Variants in ANKRD6 observed in about 807,000 individuals in gnomAD.
ANKRD6 encodes the protein ankyrin repeat domain-containing protein 6.
Under a neutral mutation model 82.3 loss-of-function variants are expected in ANKRD6, and 56 were observed. The observed-to-expected ratio is 0.68, with a 90% confidence interval of 0.55 to 0.85. The LOEUF (loss-of-function observed/expected upper bound fraction) is 0.85, where lower values mean the gene tolerates loss of function less well. Among genes scored for constraint, ANKRD6 ranks in the 40% least tolerant of loss-of-function variants. The probability of loss-of-function intolerance (pLI) is 0.00; values close to 1 mark genes in which losing one functional copy is unlikely to be tolerated. For missense variants in ANKRD6, 852 were observed against 907.6 expected (o/e 0.94, Z 0.79); for synonymous variants, 347 against 352.1 (o/e 0.99, Z 0.16).
At chr6:89,550,005 A>G (rs549355157) in intron 1 of ANKRD6, among the ~76,000 whole-genome samples, 1 of 152,256 alleles carries the variant, frequency 6.6e-6, no homozygotes, top group African/African-American at 2.4e-5. Flanking sequence ...CTGAGGCAGG[A>G]GGATCACCTG....
chr6:89,434,811 A>G (rs1770420647), intron 1 of ANKRD6, among the ~76,000 whole-genome samples: 1 of 152,148 alleles, frequency 6.6e-6, no homozygotes, highest in African/African-American at 2.4e-5. Context: ...GCATATGGTA[A>G]CAAAAAATTT....
At chr6:89,525,917 A>T (rs1016196550) in intron 1 of ANKRD6, among the ~76,000 whole-genome samples, 1 of 152,228 alleles carries the variant, frequency 6.6e-6, no homozygotes, top group Non-Finnish European at 1.5e-5. Flanking sequence ...TTCTCTGTCC[A>T]ATTGGAGTTG....
intron 10 of ANKRD6, among the ~76,000 whole-genome samples, chr6:89,622,528 C>T (rs753895671): frequency 8.5e-5 from 13 of 152,224 alleles, no homozygotes; most frequent in Non-Finnish European, 1.9e-4. Context: ...TTGAGAGCCA[C>T]TGGCACAGGC....
chr6:89,458,196 C>T (rs553229460), intron 1 of ANKRD6, among the ~76,000 whole-genome samples: 11 of 151,964 alleles, frequency 7.2e-5, no homozygotes, highest in South Asian at 2.1e-4. Flanking sequence ...TACTAAGACA[C>T]GAATCATTTT....
intron 1 of ANKRD6, among the ~76,000 whole-genome samples, chr6:89,533,720 GAA>G (rs1783470839): frequency 2.1e-5 from 3 of 139,868 alleles, no homozygotes; most frequent in African/African-American, 8.0e-5. Context: ...GAGAGAGAGA[GAA>G]AATGAGTGTG....
intron 1 of ANKRD6, among the ~76,000 whole-genome samples, chr6:89,483,812 A>G (rs1777060596): frequency 6.6e-6 from 1 of 152,238 alleles, no homozygotes; most frequent in African/African-American, 2.4e-5. Context: ...GATTAGCTAC[A>G]AGGTTCAAAG....
chr6:89,597,902 C>T (rs1209755272), intron 3 of ANKRD6, among the ~76,000 whole-genome samples: 1 of 152,126 alleles, frequency 6.6e-6, no homozygotes, highest in East Asian at 1.9e-4. Flanking sequence ...TGTGTATTTA[C>T]CATGCTGTTG....
chr6:89,515,569 A>G (rs1353429114), intron 1 of ANKRD6, among the ~76,000 whole-genome samples: 2 of 152,230 alleles, frequency 1.3e-5, no homozygotes, highest in East Asian at 1.9e-4. Context: ...ACCTGTGCAT[A>G]TTACCTTAAA....
In ANKRD6 at chr6:89,632,884, T is replaced by TACTC. The variant is rs1286718461; in HGVS notation, c.*1882_*1885dup. 1.3e-5 allele frequency: 2 copies of TACTC among 152,230 alleles called. No homozygotes were observed. Among genetic ancestry groups the TACTC allele is most frequent in the African/African-American group, 4.8e-5 (2 of 41,464 alleles). 9.4% of individuals were successfully genotyped at this position (152,230 alleles called of 1,614,324 possible). On this transcript the variant is annotated 3_prime_UTR_variant, in exon 16 of 16. Transcript: ENST00000339746. The stretch of plus-strand genomic sequence containing the variant: ...CATCAATTTATTGAGAACTGCCTAA[T>TACTC]ACTCAAGAAATTAAATCCTGAGTTC...
chr6:89,619,225 C>T (rs1583846908), intron 9 of ANKRD6, among the ~76,000 whole-genome samples: 2 of 152,140 alleles, frequency 1.3e-5, no homozygotes, highest in East Asian at 3.8e-4. Context: ...GGGGTTTCCA[C>T]CTCTAGCAGC....
At chr6:89,511,381 C>T (rs551493890) in intron 1 of ANKRD6, among the ~76,000 whole-genome samples, 2 of 152,188 alleles carry the variant, frequency 1.3e-5, no homozygotes, top group Non-Finnish European at 2.9e-5. Flanking sequence ...GATTTTCTAC[C>T]CCTACCTGCA....
intron 5 of ANKRD6, among the ~76,000 whole-genome samples, chr6:89,611,037 G>T (rs184943666): frequency 6.6e-6 from 1 of 152,092 alleles, no homozygotes; most frequent in Admixed American, 6.6e-5. Flanking sequence ...GAACCAGCGA[G>T]CCTGCTAGAA....
At chr6:89,553,867 T>G (rs147653799) in intron 1 of ANKRD6, among the ~76,000 whole-genome samples, 7 of 152,334 alleles carry the variant, frequency 4.6e-5, no homozygotes, top group Admixed American at 2.0e-4. Flanking sequence ...TGTATGAAAT[T>G]GTATGAAGGA....
chr6:89,514,024 T>C (rs1000090145), intron 1 of ANKRD6, among the ~76,000 whole-genome samples: 1 of 152,250 alleles, frequency 6.6e-6, no homozygotes, highest in African/African-American at 2.4e-5. Context: ...GCCAGTGGGC[T>C]GCCATATGGC....
intron 4 of ANKRD6, 58 bp downstream of exon 4, chr6:89,603,185 G>A (rs554549572): frequency 2.1e-5 from 31 of 1,491,284 alleles, no homozygotes; most frequent in Non-Finnish European, 2.7e-5. Flanking sequence ...TGGCTCAGGG[G>A]AGCTGGAGGA....
intron 1 of ANKRD6, among the ~76,000 whole-genome samples, chr6:89,500,297 G>A (rs886580711): frequency 1.3e-5 from 2 of 152,080 alleles, no homozygotes; most frequent in African/African-American, 4.8e-5. Context: ...TTACTTGGAG[G>A]TGGAATTCCA....
At chr6:89,547,339 C>T (rs867108302) in intron 1 of ANKRD6, among the ~76,000 whole-genome samples, 7 of 152,298 alleles carry the variant, frequency 4.6e-5, no homozygotes, top group Middle Eastern at 3.4e-3. Flanking sequence ...AGAGCCAGCC[C>T]AGCTGAGTGG....
intron 1 of ANKRD6, among the ~76,000 whole-genome samples, chr6:89,514,889 G>A (rs1781024918): frequency 1.3e-5 from 2 of 152,146 alleles, no homozygotes; most frequent in South Asian, 2.1e-4. Context: ...TAAAATTTTA[G>A]TCCTTCTTGT....
At chr6:89,561,247 C>G (rs1028858433) in intron 1 of ANKRD6, 3 of 152,190 alleles carry the variant, frequency 2.0e-5, no homozygotes, top group Non-Finnish European at 4.4e-5. Context: ...GTGGTTATTT[C>G]AAAAGATTCA....
Sources: allele counts gnomAD v4.1 joint callset (sites outside exome capture counted in the v4.1 genomes callset), GRCh38; gene constraint gnomAD v4.1.1; transcripts MANE v1.5; gene names NCBI Gene and HGNC (gene_info 2026-07-23, HGNC 2026-07-21).